The following HMCN1 variants were observed in gnomAD, a reference collection of about 807,000 sequenced individuals.
HMCN1 encodes the protein hemicentin 1.
In HMCN1, 321 loss-of-function variants were observed where a neutral mutation model predicts 625.9. That is an observed-to-expected ratio of 0.51 (90% CI 0.47 to 0.56). The LOEUF (loss-of-function observed/expected upper bound fraction) is 0.56, where lower values mean the gene tolerates loss of function less well. Among genes scored for constraint, HMCN1 ranks in the 20% least tolerant of loss-of-function variants. The pLI is 0.00. For missense variants in HMCN1, 6,588 were observed against 6,887.3 expected (o/e 0.96, Z 1.54); for synonymous variants, 2,425 against 2,417.6 (o/e 1.00, Z -0.09).
rs528293392 is a variant in HMCN1 at position 186,042,883 on chromosome 1, G to T, written c.6304+1747G>T. On this transcript the variant is annotated intron_variant, in intron 40 of 106. Coordinates refer to ENST00000271588, the MANE Select transcript of HMCN1 (RefSeq NM_031935.3). ...GATAAATCACCTTCAGATTTACATT[G>T]TGGGGTACGCTGTTGGGGGGTGGAA... Among the ~76,000 whole-genome samples, 10 of 152,172 alleles carry T rather than the reference G, an allele frequency of 6.6e-5. No homozygotes were observed. The East Asian group carries it at 1.5e-3, about 24-fold the overall frequency.
chr1:186,113,598 G>A, intron 72 of HMCN1, among the ~76,000 whole-genome samples: 1 of 152,132 alleles, frequency 6.6e-6, no homozygotes, highest in East Asian at 1.9e-4. Context: ...CCCACTTTCT[G>A]TTCTTCATTT....
At chr1:185,806,420 T>A (rs556126767) in intron 1 of HMCN1, among the ~76,000 whole-genome samples, 1 of 151,918 alleles carries the variant, frequency 6.6e-6, no homozygotes, top group African/African-American at 2.4e-5. Context: ...GTGGCACACA[T>A]CTATAGTCTT....
In HMCN1 at chr1:185,784,357, T is replaced by C. The variant is rs190719618; in HGVS notation, c.268+49310T>C. ...CACGTTTGGTGGGCTGCACCCACTG[T>C]CCTGTACCCACTGTCCGACAAGCCC... On this transcript the variant is annotated intron_variant, in intron 1 of 106. Transcript: ENST00000271588. Among the ~76,000 whole-genome samples the C allele has an allele frequency of 5.8e-3, 880 of 152,278 alleles. 7 individuals carry two copies. Among genetic ancestry groups the C allele is most frequent in the South Asian group, 0.029 (138 of 4,820 alleles).
chr1:186,142,439 T>C (rs1385789566), intron 89 of HMCN1, among the ~76,000 whole-genome samples: 1 of 152,226 alleles, frequency 6.6e-6, no homozygotes, highest in East Asian at 1.9e-4. Flanking sequence ...CTTCTGTCTT[T>C]ACTATTGTAA....
At chr1:185,812,599 G>T (rs572634690) in intron 1 of HMCN1, among the ~76,000 whole-genome samples, 1 of 152,118 alleles carries the variant, frequency 6.6e-6, no homozygotes, top group Non-Finnish European at 1.5e-5. Context: ...AGGTTTTAAA[G>T]GTAAATATTT....
intron 2 of HMCN1, among the ~76,000 whole-genome samples, chr1:185,853,817 A>T (rs1443271135): frequency 3.3e-5 from 5 of 152,222 alleles, no homozygotes; most frequent in Admixed American, 2.0e-4. Context: ...AGTGGGGTGG[A>T]TATTATAATG....
At chr1:186,040,012 A>G in intron 39 of HMCN1, 133 bp downstream of exon 39, 1 of 838,436 alleles carries the variant, frequency 1.2e-6, no homozygotes, top group Non-Finnish European at 2.0e-6. Context: ...CACATATGCA[A>G]CCATAAACAC....
Position 186,067,892 on chromosome 1 carries a change from C to G in HMCN1, c.7764C>G (p.Ile2588Met), listed in dbSNP as rs775262183. ...GCAACCCTGAAGATGTCACTGTCATCCTTAACAGCCCTACATCTTTGGTCT... is the reference window on the plus strand; with the variant it reads ...GCAACCCTGAAGATGTCACTGTCATGCTTAACAGCCCTACATCTTTGGTCT... ...SDGNPEDVTV[I>M]LNSPTSLVCE... The change falls in exon 50 of 107, where the codon ATC becomes ATG. Residue 2588 changes from isoleucine (I) to methionine (M), a missense_variant. Transcript: ENST00000271588. The G allele has an allele frequency of 6.2e-7, 1 of 1,612,300 alleles. No homozygotes were observed.
chr1:186,017,100 C>A, intron 33 of HMCN1, 29 bp downstream of exon 33: 1 of 1,173,656 alleles, frequency 8.5e-7, no homozygotes, highest in Non-Finnish European at 1.3e-6. Flanking sequence ...CTTCTAAATA[C>A]CTCCTGCTTT....
rs1342781686 is a variant in HMCN1 at position 186,029,736 on chromosome 1, C to CT, written c.5749+6584dup. ...CTCTTCTCTATTTAATTTGTATATACTCTAATTTTTTTTGTTTTCTCCTTT... is the reference window on the plus strand; with the variant it reads ...CTCTTCTCTATTTAATTTGTATATACTTCTAATTTTTTTTGTTTTCTCCTTT... On this transcript the variant is annotated intron_variant, in intron 36 of 106. Transcript: ENST00000271588. Among the ~76,000 whole-genome samples, 4 of 151,694 alleles carry CT rather than the reference C, an allele frequency of 2.6e-5. No individual in the cohort carries two copies. In the East Asian group the frequency reaches 7.8e-4, roughly 29 times the overall value.
chr1:185,887,413 C>A (rs1348393350), intron 4 of HMCN1, among the ~76,000 whole-genome samples: 1 of 151,136 alleles, frequency 6.6e-6, no homozygotes, highest in Admixed American at 6.6e-5. Context: ...CCCACTAACT[C>A]GTCATCTAGC....
At chr1:186,149,868 G>A (rs565867140) in intron 93 of HMCN1, among the ~76,000 whole-genome samples, 26 of 152,250 alleles carry the variant, frequency 1.7e-4, no homozygotes, top group African/African-American at 5.1e-4. Context: ...ACTGGTGGTC[G>A]ATGGAGCAGT....
chr1:186,103,611 G>A lies in HMCN1; in HGVS notation c.10713G>A (p.Gln3571=). ...TWMKDGRPLP[Q]TDQVQTLGGG... is the part of the protein sequence containing the mutation. ...TGAAAGATGGCCGGCCCCTTCCACA[G>A]ACGGATCAAGTGCAAACTCTAGGAG... Residue 3571 remains glutamine, a synonymous_variant, in exon 69 of 107, where the codon CAG becomes CAA. Transcript: ENST00000271588. 1.9e-6 allele frequency: 3 copies of A among 1,613,874 alleles called. No homozygotes were observed. Among genetic ancestry groups the A allele is most frequent in the Non-Finnish European group, 2.5e-6 (3 of 1,179,832 alleles).
At position 185,734,547 on chromosome 1, in the gene HMCN1, G is replaced by A. The variant is rs1653409629; in HGVS notation, c.-233G>A. The A allele has an allele frequency of 1.8e-6, 1 of 552,448 alleles. No individual in the cohort carries two copies. Among genetic ancestry groups the A allele is most frequent in the South Asian group, 2.0e-5 (1 of 48,950 alleles). The allele number at this position is 552,448 out of a possible 1,614,324, so 34.2% of individuals were successfully genotyped here. A position where few individuals can be genotyped will look rare whatever the true frequency, so the allele number is the denominator to read the frequency against. ...GGGCCCGCGGGCAGATAGCAGTCCA[G>A]GAGGAAGCCGCATCCAGACAAAAGC... On this transcript the variant is annotated 5_prime_UTR_variant, in exon 1 of 107. Transcript: ENST00000271588.
rs572583496 is a variant in HMCN1 at position 186,005,085 on chromosome 1, T to C, written c.4475+1241T>C. On this transcript the variant is annotated intron_variant, in intron 29 of 106. Transcript: ENST00000271588. ...ATTTTTGTTTATAAATGTTTATAAA[T>C]AATTTTTTAATTGTTTAAATTGTTT... 2.2e-4 allele frequency among the ~76,000 whole-genome samples: 33 copies of C among 151,478 alleles called. No individual in the cohort carries two copies. In the East Asian group the frequency reaches 3.7e-3, roughly 17 times the overall value.
intron 32 of HMCN1, 28 bp downstream of exon 32, chr1:186,016,267 C>G (rs1353300211): frequency 6.2e-7 from 1 of 1,602,396 alleles, no homozygotes; most frequent in Non-Finnish European, 8.5e-7. Context: ...TGCCTGGGTT[C>G]TCAGATTCAT....
intron 1 of HMCN1, among the ~76,000 whole-genome samples, chr1:185,752,311 C>A (rs552947295): frequency 6.6e-6 from 1 of 152,028 alleles, no homozygotes; most frequent in East Asian, 1.9e-4. Flanking sequence ...TAAAAGAGTA[C>A]TCTATTGTAG....
chr1:186,145,370 T>C (rs762297035), intron 91 of HMCN1, 33 bp from the exon 92 acceptor site: 1 of 1,521,898 alleles, frequency 6.6e-7, no homozygotes, highest in Non-Finnish European at 8.8e-7. Context: ...TTTTAGGGGC[T>C]CTGTTTTCAT....
At chr1:186,122,543 C>T (rs1483932396) in intron 80 of HMCN1, among the ~76,000 whole-genome samples, 2 of 152,094 alleles carry the variant, frequency 1.3e-5, no homozygotes, top group East Asian at 1.9e-4. Flanking sequence ...TATGGAAATA[C>T]GTAAGTAAAA....
Sources: allele counts gnomAD v4.1 joint callset (sites outside exome capture counted in the v4.1 genomes callset), GRCh38; gene constraint gnomAD v4.1.1; transcripts MANE v1.5; gene names NCBI Gene and HGNC (gene_info 2026-07-23, HGNC 2026-07-21).